Variants in TTC39B observed in about 807,000 individuals in gnomAD.
TTC39B encodes tetratricopeptide repeat protein 39B.
Under a neutral mutation model 96.6 loss-of-function variants are expected in TTC39B, and 92 were observed. The observed-to-expected ratio is 0.95, with a 90% CI of 0.80 to 1.13. The LOEUF (loss-of-function observed/expected upper bound fraction) is 1.13, where lower values mean the gene tolerates loss of function less well. TTC39B is among the 50% of genes most tolerant of loss of function. The pLI is 0.00. For missense variants in TTC39B, 955 were observed against 809.3 expected, an observed-to-expected ratio of 1.18 and a Z score of -2.18; for synonymous variants, 367 against 299.4, an observed-to-expected ratio of 1.23 and a Z score of -2.33.
intron 2 of TTC39B, among the ~76,000 whole-genome samples, chr9:15,259,177 A>C (rs1456662442): frequency 6.6e-6 from 1 of 152,200 alleles, no homozygotes; most frequent in Non-Finnish European, 1.5e-5. Flanking sequence ...TCATCATGGA[A>C]TATCCCTAAC....
chr9:15,218,632 T>TAAAAAAAAATATATATATATATATATATA (rs545882970), intron 3 of TTC39B, among the ~76,000 whole-genome samples: 4 of 105,108 alleles, frequency 3.8e-5, no homozygotes, highest in African/African-American at 1.4e-4. Flanking sequence ...TTAGTCTATT[T>TAAAAAAAAATATATATATATATATATATA]TAAATATATA....
intron 6 of TTC39B, among the ~76,000 whole-genome samples, chr9:15,207,213 T>C (rs1216946938): frequency 2.0e-5 from 3 of 152,164 alleles, no homozygotes; most frequent in Non-Finnish European, 2.9e-5. Flanking sequence ...AATGGACTAA[T>C]ACATTCCACC....
chr9:15,185,030 A>G (rs1448946294), intron 16 of TTC39B, among the ~76,000 whole-genome samples: 2 of 152,230 alleles, frequency 1.3e-5, no homozygotes, highest in Non-Finnish European at 2.9e-5. Context: ...ACTATACTCA[A>G]AAAGTTATAA....
At chr9:15,272,433 T>C (rs1046031876) in intron 1 of TTC39B, among the ~76,000 whole-genome samples, 20 of 152,000 alleles carry the variant, frequency 1.3e-4, no homozygotes, top group African/African-American at 4.8e-4. Flanking sequence ...CCAACATAAG[T>C]AAAGTAAGAC....
intron 1 of TTC39B, among the ~76,000 whole-genome samples, chr9:15,291,532 G>A (rs932164288): frequency 3.3e-5 from 5 of 151,990 alleles, no homozygotes; most frequent in Non-Finnish European, 7.4e-5. Flanking sequence ...GCATGAGAAC[G>A]GATTAATACA....
At chr9:15,209,099 A>G (rs1422189962) in intron 6 of TTC39B, among the ~76,000 whole-genome samples, 1 of 152,192 alleles carries the variant, frequency 6.6e-6, no homozygotes, top group East Asian at 1.9e-4. Context: ...GACAATGGCA[A>G]TACAGGCACA....
exon 20 of TTC39B, chr9:15,167,028 A>ATATATTTTTTTTTTTTT (rs1554758710): frequency 9.1e-5 from 1 of 11,022 alleles, no homozygotes; most frequent in Admixed American, 2.5e-3. Flanking sequence ...ATATATATAT[A>ATATATTTTTTTTTTTTT]TTTTTTTTTT....
At chr9:15,256,262 G>C (rs1486747530) in intron 2 of TTC39B, among the ~76,000 whole-genome samples, 1 of 151,856 alleles carries the variant, frequency 6.6e-6, no homozygotes, top group Non-Finnish European at 1.5e-5. Context: ...CACCATCTAT[G>C]AGGAATGGGC....
Position 15,303,971 on chromosome 9 carries a change from A to T in TTC39B, c.240+3113T>A, listed in dbSNP as rs547648899. Among the ~76,000 whole-genome samples, 12 of 152,312 alleles carry T rather than the reference A, an allele frequency of 7.9e-5. No individual in the cohort carries two copies. The South Asian group carries it at 2.5e-3, about 32-fold the overall frequency. ...AATTTTTAACTTAATTAGCTGCTAG[A>T]TATTAATTCAAATACTGTCAATGTT... On this transcript the variant is annotated intron_variant, in intron 1 of 19. Transcript: ENST00000512701.
At chr9:15,248,353 A>G (rs768160010) in intron 2 of TTC39B, among the ~76,000 whole-genome samples, 3 of 152,224 alleles carry the variant, frequency 2.0e-5, no homozygotes, top group Non-Finnish European at 4.4e-5. Flanking sequence ...TAAGCATTCT[A>G]GGGATCTGTA....
chr9:15,194,532 T>G (rs910280910), intron 8 of TTC39B, among the ~76,000 whole-genome samples: 1 of 152,210 alleles, frequency 6.6e-6, no homozygotes, highest in Non-Finnish European at 1.5e-5. Flanking sequence ...TTCACTGATA[T>G]GTAAAGGCAT....
chr9:15,209,282 C>G (rs1820051950), intron 6 of TTC39B, among the ~76,000 whole-genome samples: 1 of 152,118 alleles, frequency 6.6e-6, no homozygotes, highest in African/African-American at 2.4e-5. Context: ...TCCCAGGGGG[C>G]ACGTCAAGCA....
rs367716213 is a variant in TTC39B, at chr9:15,291,243, G to A, written c.240+15841C>T. On this transcript the variant is annotated intron_variant, in intron 1 of 19. Transcript: ENST00000512701. ...GTATCTCCCACAACTCCCATGCGCT[G>A]TGGGAGGGACCCAGTGGGAGGGAAT... Among the ~76,000 whole-genome samples, 205 of 152,320 alleles carry A rather than the reference G, an allele frequency of 1.3e-3. 3 individuals are homozygous for A. The highest frequency in any genetic ancestry group is 4.5e-3 in the African/African-American group (185 of 41,560).
At chr9:15,284,877 AT>A (rs1823899640) in intron 1 of TTC39B, among the ~76,000 whole-genome samples, 1 of 152,218 alleles carries the variant, frequency 6.6e-6, no homozygotes, top group Non-Finnish European at 1.5e-5. Context: ...AGGGTAAAGT[AT>A]TACTTCGAGA....
chr9:15,268,516 A>G (rs113942356), intron 1 of TTC39B, among the ~76,000 whole-genome samples: 7,722 of 152,178 alleles, frequency 0.051, 633 homozygotes, highest in African/African-American at 0.18. Flanking sequence ...GACCACACAC[A>G]CACTCCACAC....
At chr9:15,229,551 ACACTTTTTCTTTC>A (rs747580652) in intron 2 of TTC39B, among the ~76,000 whole-genome samples, 7 of 152,186 alleles carry the variant, frequency 4.6e-5, no homozygotes, top group Non-Finnish European at 7.3e-5. Context: ...CCTTATTTCA[ACACTTTTTCTTTC>A]CTCAGTTCTC....
At chr9:15,249,148 CACT>C (rs1822416128) in intron 2 of TTC39B, 1 of 152,116 alleles carries the variant, frequency 6.6e-6, no homozygotes, top group Non-Finnish European at 1.5e-5. Context: ...AAAACTCACT[CACT>C]AATTCAGCAA....
intron 6 of TTC39B, among the ~76,000 whole-genome samples, chr9:15,205,142 G>A (rs1255928478): frequency 6.6e-6 from 1 of 152,280 alleles, no homozygotes; most frequent in Non-Finnish European, 1.5e-5. Context: ...CTAGTTCACA[G>A]CTGAAGGATC....
At chr9:15,220,660 CAG>C (rs1438052419) in intron 3 of TTC39B, among the ~76,000 whole-genome samples, 1 of 151,944 alleles carries the variant, frequency 6.6e-6, no homozygotes, top group Non-Finnish European at 1.5e-5. Context: ...AATGGGGAAG[CAG>C]AGTTTTTTTT....
Sources: gnomAD v4.1 joint callset for allele counts (sites outside exome capture counted in the v4.1 genomes callset) on GRCh38, gnomAD v4.1.1 for gene constraint, MANE v1.5 for transcripts, NCBI Gene and HGNC (gene_info 2026-07-23, HGNC 2026-07-21) for gene names.